Variants in PDE4B observed in about 807,000 individuals in gnomAD.
PDE4B encodes the protein phosphodiesterase 4B, also known as 3',5'-cyclic-AMP phosphodiesterase 4B.
Under a neutral mutation model 82.2 loss-of-function variants are expected in PDE4B, and 20 were observed. The observed-to-expected ratio is 0.24, with a 90% confidence interval of 0.17 to 0.35. The LOEUF (loss-of-function observed/expected upper bound fraction) is 0.35, where lower values mean the gene tolerates loss of function less well. Ranked by LOEUF, PDE4B falls within the 10% of genes least tolerant of loss-of-function variation. The pLI, the probability that PDE4B is intolerant of heterozygous loss-of-function variation, is 1.00. For missense variants in PDE4B, 655 were observed against 907.2 expected (o/e 0.72, Z 3.57); for synonymous variants, 320 against 318.9 (o/e 1.00, Z -0.04).
chr1:65,882,260 TA>T (rs1010189090), intron 1 of PDE4B, among the ~76,000 whole-genome samples: 14 of 152,316 alleles, frequency 9.2e-5, no homozygotes, highest in Admixed American at 9.2e-4. Flanking sequence ...TTGCTGACTT[TA>T]AAAACGCAAT....
intron 9 of PDE4B, among the ~76,000 whole-genome samples, chr1:66,361,373 G>A (rs190943051): frequency 1.3e-3 from 201 of 152,166 alleles, no homozygotes; most frequent in African/African-American, 4.5e-3. Flanking sequence ...AAGTTACTTC[G>A]TTCCTCTGGG....
At chr1:66,334,719 C>T (rs1260474936) in intron 8 of PDE4B, among the ~76,000 whole-genome samples, 3 of 152,206 alleles carry the variant, frequency 2.0e-5, no homozygotes, top group Non-Finnish European at 4.4e-5. Context: ...AAAAATATCT[C>T]TTTTTACTTT....
chr1:66,236,971 G>T (rs112293683), intron 3 of PDE4B, among the ~76,000 whole-genome samples: 2,789 of 152,272 alleles, frequency 0.018, 86 homozygotes, highest in African/African-American at 0.064. Context: ...TCCTCAGAAG[G>T]TGATTAGAGC....
chr1:65,798,704 A>G (rs1349802876), intron 1 of PDE4B, among the ~76,000 whole-genome samples: 2 of 152,218 alleles, frequency 1.3e-5, no homozygotes, highest in African/African-American at 2.4e-5. Context: ...CATTACTATC[A>G]TTGAAAATAC....
intron 7 of PDE4B, among the ~76,000 whole-genome samples, chr1:66,268,935 G>A (rs1655261377): frequency 6.6e-6 from 1 of 152,118 alleles, no homozygotes; most frequent in Non-Finnish European, 1.5e-5. Context: ...CTTGAAGACA[G>A]GGACTGTGCC....
intron 3 of PDE4B, among the ~76,000 whole-genome samples, chr1:66,124,194 G>A (rs776680935): frequency 2.0e-5 from 3 of 152,170 alleles, no homozygotes; most frequent in African/African-American, 4.8e-5. Flanking sequence ...ATGCATAAAT[G>A]TACTTCCAGG....
At chr1:66,067,016 A>G (rs1236182478) in intron 3 of PDE4B, among the ~76,000 whole-genome samples, 1 of 152,070 alleles carries the variant, frequency 6.6e-6, no homozygotes, top group African/African-American at 2.4e-5. Context: ...TATTCACACA[A>G]CAAAAAGTAG....
chr1:65,949,584 G>A (rs1569789222), intron 3 of PDE4B, among the ~76,000 whole-genome samples: 2 of 152,132 alleles, frequency 1.3e-5, no homozygotes, highest in South Asian at 4.1e-4. Context: ...ATGGTAACAT[G>A]TTATCCATGT....
chr1:66,329,396 A>G (rs370016623), intron 7 of PDE4B, among the ~76,000 whole-genome samples: 5 of 152,330 alleles, frequency 3.3e-5, no homozygotes, highest in African/African-American at 7.2e-5. Context: ...GTTGAAAGAG[A>G]GAATGCAGAA....
At chr1:65,834,492 T>G (rs952942370) in intron 1 of PDE4B, among the ~76,000 whole-genome samples, 7 of 152,196 alleles carry the variant, frequency 4.6e-5, no homozygotes, top group Admixed American at 3.3e-4. Flanking sequence ...GGTTCACGTC[T>G]ATATGCAATG....
At chr1:66,076,013 T>C (rs1656417150) in intron 3 of PDE4B, among the ~76,000 whole-genome samples, 1 of 152,010 alleles carries the variant, frequency 6.6e-6, no homozygotes, top group African/African-American at 2.4e-5. Flanking sequence ...GCTTTCTTTT[T>C]CTTTCTTTCT....
intron 9 of PDE4B, among the ~76,000 whole-genome samples, chr1:66,356,172 T>C (rs894481623): frequency 1.3e-5 from 2 of 152,176 alleles, no homozygotes; most frequent in African/African-American, 4.8e-5. Flanking sequence ...GGGGGAGAAT[T>C]TTAATATTAT....
intron 1 of PDE4B, among the ~76,000 whole-genome samples, chr1:65,857,214 A>G (rs1646403544): frequency 6.6e-6 from 1 of 152,190 alleles, no homozygotes; most frequent in Admixed American, 6.5e-5. Flanking sequence ...AAACTTTAAT[A>G]ATTTTTTATC....
At chr1:66,175,821 A>G (rs1646921062) in intron 3 of PDE4B, among the ~76,000 whole-genome samples, 1 of 152,224 alleles carries the variant, frequency 6.6e-6, no homozygotes, top group African/African-American at 2.4e-5. Flanking sequence ...GAATCATCAC[A>G]TATTTGCTCT....
intron 3 of PDE4B, among the ~76,000 whole-genome samples, chr1:66,074,723 A>C (rs887700746): frequency 1.3e-5 from 2 of 152,116 alleles, no homozygotes; most frequent in South Asian, 4.1e-4. Context: ...CATATGAATG[A>C]AATCATATAA....
At chr1:65,820,367 T>TC (rs1645939048) in intron 1 of PDE4B, among the ~76,000 whole-genome samples, 1 of 152,246 alleles carries the variant, frequency 6.6e-6, no homozygotes, top group Non-Finnish European at 1.5e-5. Flanking sequence ...ATATTGTAGG[T>TC]TAGATAGGCA....
intron 3 of PDE4B, among the ~76,000 whole-genome samples, chr1:65,997,182 T>G (rs938304259): frequency 6.2e-5 from 7 of 112,944 alleles, no homozygotes; most frequent in Non-Finnish European, 1.2e-4. Context: ...GCATTGCTGC[T>G]CCTTTTTGGA....
At chr1:66,302,200 C>G (rs1657943733) in intron 7 of PDE4B, among the ~76,000 whole-genome samples, 1 of 152,210 alleles carries the variant, frequency 6.6e-6, no homozygotes, top group Non-Finnish European at 1.5e-5. Context: ...TGGAAAAGCA[C>G]AGTTCATCCA....
At chr1:65,860,539 T>C (rs1321898135) in intron 1 of PDE4B, among the ~76,000 whole-genome samples, 1 of 152,238 alleles carries the variant, frequency 6.6e-6, no homozygotes, top group Non-Finnish European at 1.5e-5. Context: ...TAGAATGATA[T>C]ATAATCCTTT....
Sources: allele counts gnomAD v4.1 joint callset (sites outside exome capture counted in the v4.1 genomes callset), GRCh38; gene constraint gnomAD v4.1.1; transcripts MANE v1.5; gene names NCBI Gene and HGNC (gene_info 2026-07-23, HGNC 2026-07-21).